The following FHIT variants were observed in gnomAD, a reference collection of about 807,000 sequenced individuals.
FHIT encodes fragile histidine triad diadenosine triphosphatase.
In FHIT, 19 loss-of-function variants were observed where a neutral mutation model predicts 17.9. The observed-to-expected ratio is 1.06, with a 90% confidence interval of 0.74 to 1.56. The LOEUF (loss-of-function observed/expected upper bound fraction) is 1.56, where lower values mean the gene tolerates loss of function less well. Among genes scored for constraint, FHIT ranks in the 40% most tolerant of loss-of-function variants. The pLI, the probability that FHIT is intolerant of heterozygous loss-of-function variation, is 0.00. For missense variants in FHIT, 248 were observed against 189.2 expected, an observed-to-expected ratio of 1.31 and a Z score of -1.82; for synonymous variants, 81 against 69.7, an observed-to-expected ratio of 1.16 and a Z score of -0.81.
intron 5 of FHIT, among the ~76,000 whole-genome samples, chr3:60,234,820 G>C (rs1704683854): frequency 1.3e-5 from 2 of 152,122 alleles, no homozygotes; most frequent in Admixed American, 6.5e-5. Flanking sequence ...TGTGTCTCAG[G>C]AGAAACACAG....
chr3:60,237,147 TC>T (rs1265311547), intron 5 of FHIT, among the ~76,000 whole-genome samples: 2 of 152,196 alleles, frequency 1.3e-5, no homozygotes, highest in African/African-American at 2.4e-5. Flanking sequence ...CCAAGAGTTT[TC>T]AAAAATAGAA....
chr3:60,124,303 G>A (rs1431099827), intron 5 of FHIT, among the ~76,000 whole-genome samples: 1 of 151,694 alleles, frequency 6.6e-6, no homozygotes, highest in African/African-American at 2.4e-5. Context: ...AGTCCCTGTA[G>A]CAATTATGCT....
intron 8 of FHIT, among the ~76,000 whole-genome samples, chr3:59,882,367 A>G (rs965662181): frequency 6.6e-6 from 1 of 152,200 alleles, no homozygotes; most frequent in Admixed American, 6.5e-5. Context: ...AGGAAAAAAA[A>G]TATTAACAAT....
intron 8 of FHIT, among the ~76,000 whole-genome samples, chr3:59,870,856 CGTGTGTGTGTGTGTGTGCGTGTGT>C (rs1185491297): frequency 1.7e-5 from 2 of 116,236 alleles, no homozygotes; most frequent in East Asian, 4.2e-4. Flanking sequence ...TAGTAAAGGG[CGTGTGTGTGTGTGTGTGCGTGTGT>C]GTGTGTGTGT....
intron 5 of FHIT, among the ~76,000 whole-genome samples, chr3:60,483,349 T>C (rs1324576631): frequency 6.6e-6 from 1 of 152,168 alleles, no homozygotes; most frequent in African/African-American, 2.4e-5. Context: ...ATCACCCTGA[T>C]GCCAAAACCA....
At chr3:60,686,393 T>G (rs1418865558) in intron 4 of FHIT, among the ~76,000 whole-genome samples, 1 of 152,146 alleles carries the variant, frequency 6.6e-6, no homozygotes, top group Non-Finnish European at 1.5e-5. Context: ...GGTTTTGTAA[T>G]GAAAAGTAAT....
intron 4 of FHIT, among the ~76,000 whole-genome samples, chr3:60,561,039 G>A (rs12054454): frequency 0.15 from 22,371 of 151,826 alleles, 2,134 homozygotes; most frequent in East Asian, 0.37. Flanking sequence ...ACAAACATCA[G>A]CTGAATGAAC....
At chr3:61,045,721 C>A (rs1248618443) in intron 2 of FHIT, among the ~76,000 whole-genome samples, 2 of 152,074 alleles carry the variant, frequency 1.3e-5, no homozygotes, top group Non-Finnish European at 2.9e-5. Flanking sequence ...TATTCCAAAA[C>A]TGACCACATA....
intron 8 of FHIT, among the ~76,000 whole-genome samples, chr3:59,884,660 C>T (rs1378547149): frequency 3.3e-5 from 5 of 152,144 alleles, no homozygotes; most frequent in Non-Finnish European, 7.3e-5. Flanking sequence ...GATTTGAAAG[C>T]TCTTTCTCAT....
Position 60,343,298 on chromosome 3 carries a change from G to A in FHIT, c.103+193562C>T, listed in dbSNP as rs945542162. On this transcript the variant is annotated intron_variant, in intron 5 of 9. Transcript: ENST00000492590. ...TGTAGGGAATGGGGGAAGAGACAGG[G>A]CAGAGGAATGAAGCAATGGACTTAT... Among the ~76,000 whole-genome samples, 4 of 151,900 alleles carry A rather than the reference G, an allele frequency of 2.6e-5. No homozygotes were observed. In the East Asian group the frequency reaches 7.7e-4, roughly 29 times the overall value.
rs2036781239 is a variant in FHIT at position 61,132,112 on chromosome 3, A to T, written c.-164+68505T>A. ...TGGTTCCAACAATCAAAGGGCTTTC[A>T]TTTTGCTAAGCTGAGTATGGAGGCC... On this transcript the variant is annotated intron_variant, in intron 2 of 9. Coordinates refer to ENST00000492590, the MANE Select transcript of FHIT (RefSeq NM_002012.4). 2.6e-5 allele frequency among the ~76,000 whole-genome samples: 4 copies of T among 152,196 alleles called. No individual in the cohort carries two copies. In the South Asian group the frequency reaches 8.3e-4, roughly 31 times the overall value.
chr3:60,349,713 C>T (rs1318881319), intron 5 of FHIT, among the ~76,000 whole-genome samples: 2 of 152,150 alleles, frequency 1.3e-5, no homozygotes, highest in African/African-American at 4.8e-5. Flanking sequence ...ATCAATATTT[C>T]CTTTTAAATT....
rs1231181824 is a variant in FHIT at position 59,798,432 on chromosome 3, T to C, written c.349-46111A>G. ...CAGACACATGAATGCTATGGTTCTGTGAGTTATTCAAATGTGCAAGTCACT... is the reference window on the plus strand; with the variant it reads ...CAGACACATGAATGCTATGGTTCTGCGAGTTATTCAAATGTGCAAGTCACT... On this transcript the variant is annotated intron_variant, in intron 8 of 9. Coordinates refer to ENST00000492590, the MANE Select transcript of FHIT (RefSeq NM_002012.4). Among the ~76,000 whole-genome samples the C allele has an allele frequency of 2.6e-5, 4 of 152,168 alleles. No individual in the cohort carries two copies. In the East Asian group the frequency reaches 7.7e-4, roughly 29 times the overall value.
intron 3 of FHIT, among the ~76,000 whole-genome samples, chr3:60,993,415 T>C (rs1468821054): frequency 6.6e-6 from 1 of 152,206 alleles, no homozygotes; most frequent in African/African-American, 2.4e-5. Flanking sequence ...TGTTCTTCAG[T>C]TGCTTCTTCA....
chr3:60,173,915 A>ATATATATATATATTT, intron 5 of FHIT, among the ~76,000 whole-genome samples: 6 of 66,430 alleles, frequency 9.0e-5, no homozygotes, highest in Admixed American at 2.1e-4. Flanking sequence ...ATATATATAT[A>ATATATATATATATTT]TGTTTTTTTT....
intron 3 of FHIT, among the ~76,000 whole-genome samples, chr3:60,940,014 G>A (rs554666347): frequency 6.6e-6 from 1 of 151,954 alleles, no homozygotes; most frequent in Non-Finnish European, 1.5e-5. Context: ...TATTATAAAG[G>A]CTTCATTAAT....
intron 7 of FHIT, among the ~76,000 whole-genome samples, chr3:59,975,458 A>G (rs1266930107): frequency 1.3e-5 from 2 of 152,146 alleles, no homozygotes; most frequent in African/African-American, 4.8e-5. Flanking sequence ...CTGGCCACAC[A>G]GTAACTAAAC....
chr3:60,980,079 T>C (rs1461792888), intron 3 of FHIT, among the ~76,000 whole-genome samples: 1 of 152,192 alleles, frequency 6.6e-6, no homozygotes, highest in Admixed American at 6.5e-5. Context: ...GCTGCATATT[T>C]TAAACTGAAA....
At chr3:60,543,081 A>G (rs2121854) in intron 4 of FHIT, among the ~76,000 whole-genome samples, 144,753 of 152,298 alleles carry the variant, frequency 0.95, 68,871 homozygotes, top group East Asian at 1. Flanking sequence ...CTGTAGAACA[A>G]AGGTCGCACA....
Sources: gnomAD v4.1 joint callset for allele counts (sites outside exome capture counted in the v4.1 genomes callset) on GRCh38, gnomAD v4.1.1 for gene constraint, MANE v1.5 for transcripts, NCBI Gene and HGNC (gene_info 2026-07-23, HGNC 2026-07-21) for gene names.